The following DLX4 variants were observed in gnomAD, a reference collection of about 807,000 sequenced individuals.
DLX4 encodes the protein homeobox protein DLX-4.
Under a neutral mutation model 17.1 loss-of-function variants are expected in DLX4, and 13 were observed. The ratio of observed to expected loss-of-function variants is 0.76; its 90% CI spans 0.49 to 1.21. The LOEUF (loss-of-function observed/expected upper bound fraction) is 1.21. Among genes scored for constraint, DLX4 ranks in the 50% most tolerant of loss-of-function variants. The pLI, the probability that DLX4 is intolerant of heterozygous loss-of-function variation, is 0.00. For synonymous variants in DLX4, 129 were observed against 140.3 expected (o/e 0.92, Z 0.57); for missense variants, 297 against 301.4 (o/e 0.99, Z 0.11).
rs1178832628 is a variant in DLX4 at position 49,972,469 on chromosome 17, T to G, written c.284-604T>G. ...GGTCACTTTTCCTGCAGGGTGCGCC[T>G]GAGCAGAGGGGCAGCCCGTTACAGT... On this transcript the variant is annotated intron_variant, in intron 1 of 2. Coordinates refer to ENST00000240306, the MANE Select transcript of DLX4 (RefSeq NM_138281.3). The surrounding 1 kb of genome is among the most constrained non-coding windows in gnomAD (Gnocchi z 5.4). The G allele has an allele frequency of 6.5e-6, 1 of 153,362 alleles. No homozygotes were observed. The highest frequency in any genetic ancestry group is 1.4e-5 in the Non-Finnish European group (1 of 69,030). The allele number at this position is 153,362 out of a possible 1,614,324, so 9.5% of individuals were successfully genotyped here.
At position 49,969,526 on chromosome 17, in the gene DLX4, G is replaced by C. The variant is rs774563523; in HGVS notation, c.58G>C (p.Asp20His). 2 of 1,612,110 alleles carry C rather than the reference G, an allele frequency of 1.2e-6. No individual in the cohort carries two copies. The highest frequency in any genetic ancestry group is 2.7e-5 in the African/African-American group (2 of 74,892). Reference sequence around the variant, plus strand: ...GGACGCCTCCAAAGCTGTCTTCCCAGACCTCGCCCCTGTCCCGTCGGTAGC... The same window carrying C: ...GGACGCCTCCAAAGCTGTCTTCCCACACCTCGCCCCTGTCCCGTCGGTAGC... ...GRDASKAVFP[D>H]LAPVPSVAAA... The change falls in exon 1 of 3, where the codon GAC (aspartate) becomes CAC (histidine). Residue 20 changes from aspartate (D) to histidine (H), a missense_variant. Asp to His is a moderately conservative substitution (Grantham distance 81). Transcript: ENST00000240306.
chr17:49,970,124 G>A (rs973960242), intron 1 of DLX4, among the ~76,000 whole-genome samples: 2 of 152,042 alleles, frequency 1.3e-5, no homozygotes, highest in African/African-American at 2.4e-5. Context: ...CCCAGCCCCC[G>A]TCCTGTACTC....
At chr17:49,969,096 C>G (rs1174310133), upstream of DLX4, 38 of 217,456 alleles carry the variant, frequency 1.7e-4, 1 homozygote, top group Non-Finnish European at 9.0e-6. Context: ...TTCTCTACAG[C>G]GGGCTGTCCC....
At chr17:49,968,602 GGT>G (rs1486906408), upstream of DLX4, among the ~76,000 whole-genome samples, 1 of 152,036 alleles carries the variant, frequency 6.6e-6, no homozygotes, top group Non-Finnish European at 1.5e-5. Flanking sequence ...AGGGCGGTGG[GGT>G]GCAGCGGCGG....
upstream of DLX4, chr17:49,969,170 T>G: frequency 3.2e-6 from 1 of 309,838 alleles, no homozygotes; most frequent in Non-Finnish European, 5.9e-6. Flanking sequence ...ATCCGGGACG[T>G]CTAAGAGGGC....
intron 1 of DLX4, among the ~76,000 whole-genome samples, chr17:49,971,792 T>G (rs970435919): frequency 4.6e-5 from 7 of 151,662 alleles, no homozygotes; most frequent in Non-Finnish European, 8.8e-5. Flanking sequence ...GGGAATTGGT[T>G]GAGGCAGGGT....
In DLX4 at chr17:49,972,442, A is replaced by G. The variant is rs1306571043; in HGVS notation, c.284-631A>G. ...GCGGCCACGGTGTGGCGGGGGAGAC[A>G]TGGTCACTTTTCCTGCAGGGTGCGC... On this transcript the variant is annotated intron_variant, in intron 1 of 2. Transcript: ENST00000240306. The surrounding 1 kb of genome is among the most constrained non-coding windows in gnomAD (Gnocchi z 5.4). 2 of 152,410 alleles carry G rather than the reference A, an allele frequency of 1.3e-5. No individual in the cohort carries two copies. Among genetic ancestry groups the G allele is most frequent in the Non-Finnish European group, 2.9e-5 (2 of 68,242 alleles). 9.4% of individuals were successfully genotyped at this position (152,410 alleles called of 1,614,324 possible).
intron 2 of DLX4, 156 bp downstream of exon 2, chr17:49,973,425 G>T (rs1905597888): frequency 8.1e-7 from 1 of 1,230,044 alleles, no homozygotes; most frequent in Non-Finnish European, 1.1e-6. Context: ...AGTAAGCCTT[G>T]GGGGGAATGT....
chr17:49,969,349 T>G lies in DLX4; in HGVS notation c.-120T>G. On this transcript the variant is annotated 5_prime_UTR_variant, in exon 1 of 3. Transcript: ENST00000240306. The stretch of plus-strand genomic sequence containing the variant: ...GAGACACTTTCTCCGGGATCTTAAG[T>G]GTGGGGGCTGCTGGCTGGGGGGCCC... The G allele has an allele frequency of 3.4e-6, 4 of 1,169,018 alleles. No homozygotes were observed. The highest frequency in any genetic ancestry group is 4.7e-6 in the Non-Finnish European group (4 of 850,058). The allele number at this position is 1,169,018 out of a possible 1,614,324, so 72.4% of individuals were successfully genotyped here. A position where few individuals can be genotyped will look rare whatever the true frequency, so the allele number is the denominator to read the frequency against.
rs1456044602 is a variant in DLX4, at chr17:49,974,948, CAA to C, written c.*1008_*1009del. 6.6e-6 allele frequency: 1 copy of C among 152,190 alleles called. No homozygotes were observed. Among genetic ancestry groups the C allele is most frequent in the Non-Finnish European group, 1.5e-5 (1 of 68,044 alleles). The allele number at this position is 152,190 out of a possible 1,614,324, so 9.4% of individuals were successfully genotyped here. The stretch of plus-strand genomic sequence containing the variant: ...CAGCTTCCAGAGATTAAAGTTTGTA[CAA>C]AACATTGCATTCTGGCTGTGAGATG... On this transcript the variant is annotated 3_prime_UTR_variant, in exon 3 of 3. Transcript: ENST00000240306.
Position 49,972,158 on chromosome 17 carries a change from A to ATGT in DLX4, c.284-915_284-914insTGT, listed in dbSNP as rs1905529119. On this transcript the variant is annotated intron_variant, in intron 1 of 2. Coordinates refer to ENST00000240306, the MANE Select transcript of DLX4 (RefSeq NM_138281.3). This position sits in a 1 kb window ranked among gnomAD's most constrained non-coding sequence, Gnocchi z 5.4. ...GGAAGAACAGAAACCCCTCGGCCCA[A>ATGT]CCCTCCCCTGTCCCTCAGCATTCTA... The ATGT allele has an allele frequency of 6.6e-6, 1 of 152,182 alleles. No homozygotes were observed. The highest frequency in any genetic ancestry group is 2.4e-5 in the African/African-American group (1 of 41,320). 9.4% of individuals were successfully genotyped at this position (152,182 alleles called of 1,614,324 possible). A position where few individuals can be genotyped will look rare whatever the true frequency, so the allele number is the denominator to read the frequency against.
chr17:49,973,148 C>G lies in DLX4; in HGVS notation c.359C>G (p.Pro120Arg). ...PQAPAKKLRK[P>R]RTIYSSLQLQ... ...GCCCCCGCCAAAAAGCTCCGCAAGCCGAGGACCATCTACTCCAGCCTGCAG... is the reference window on the plus strand; with the variant it reads ...GCCCCCGCCAAAAAGCTCCGCAAGCGGAGGACCATCTACTCCAGCCTGCAG... The change falls in exon 2 of 3, where the codon CCG becomes CGG. Residue 120 changes from proline to arginine, a missense_variant. Coordinates refer to ENST00000240306, the MANE Select transcript of DLX4 (RefSeq NM_138281.3). 1 of 1,614,196 alleles carries G rather than the reference C, an allele frequency of 6.2e-7. No homozygotes were observed. The highest frequency in any genetic ancestry group is 1.6e-4 in the Middle Eastern group (1 of 6,062).
At position 49,974,897 on chromosome 17, in the gene DLX4, G is replaced by A. The variant is rs1052405118; in HGVS notation, c.*954G>A. 1.3e-5 allele frequency: 2 copies of A among 152,198 alleles called. No homozygotes were observed. Among genetic ancestry groups the A allele is most frequent in the African/African-American group, 4.8e-5 (2 of 41,436 alleles). The allele number at this position is 152,198 out of a possible 1,614,324, so 9.4% of individuals were successfully genotyped here. A position where few individuals can be genotyped will look rare whatever the true frequency, so the allele number is the denominator to read the frequency against. ...CAAAGGAACTGTGCAGATTTAGAACGAATTGGAGCTTGAGCTTCACACCAC... is the reference window on the plus strand; with the variant it reads ...CAAAGGAACTGTGCAGATTTAGAACAAATTGGAGCTTGAGCTTCACACCAC... On this transcript the variant is annotated 3_prime_UTR_variant, in exon 3 of 3. Transcript: ENST00000240306.
At chr17:49,969,887 G>A (rs1403935865) in intron 1 of DLX4, 136 bp downstream of exon 1, 1 of 203,300 alleles carries the variant, frequency 4.9e-6, no homozygotes, top group Non-Finnish European at 9.8e-6. Flanking sequence ...GGGGGTGGGG[G>A]GAGGGCGAAG....
rs1905637515 is a variant in DLX4, at chr17:49,974,256, C to T, written c.*313C>T. 4.2e-6 allele frequency: 1 copy of T among 240,266 alleles called. No individual in the cohort carries two copies. The highest frequency in any genetic ancestry group is 5.7e-5 in the Admixed American group (1 of 17,666). 14.9% of individuals were successfully genotyped at this position (240,266 alleles called of 1,614,324 possible). ...TGAGACTGTCCCCAGAACCCTTGGT[C>T]TTGCCACTCCCCCACTCCTTCTTCC... is the stretch of plus-strand genomic sequence containing the variant. On this transcript the variant is annotated 3_prime_UTR_variant, in exon 3 of 3. Transcript: ENST00000240306.
At position 49,969,664 on chromosome 17, in the gene DLX4, G is replaced by A. The variant is rs1905432463; in HGVS notation, c.196G>A (p.Gly66Arg). The change falls in exon 1 of 3, where the codon GGA (glycine) becomes AGA (arginine). Residue 66 changes from glycine (G) to arginine (R), a missense_variant. Physicochemically the swap from Gly to Arg is moderately radical, Grantham distance 125. Transcript: ENST00000240306. ...CCCCTACACCGAGCCAGCGAACCCC[G>A]GAGACTCCTACCTGTCCTGCCAGCA... Reference protein sequence around the residue: ...SYPYTEPANPGDSYLSCQQPA... With the variant: ...SYPYTEPANPRDSYLSCQQPA... 2 of 1,609,294 alleles carry A rather than the reference G, an allele frequency of 1.2e-6. No individual in the cohort carries two copies. The highest frequency in any genetic ancestry group is 1.1e-5 in the South Asian group (1 of 91,044).
rs1598148851 is a variant in DLX4, at chr17:49,974,107, CT to C, written c.*165del. ...AAGGAATGGAGCAGAGCCTGTACCC[CT>C]AACCCTAACAGCTAAATCAAGGACC... On this transcript the variant is annotated 3_prime_UTR_variant, in exon 3 of 3. Coordinates refer to ENST00000240306, the MANE Select transcript of DLX4 (RefSeq NM_138281.3). The C allele has an allele frequency of 1.2e-6, 1 of 865,362 alleles. No individual in the cohort carries two copies. Among genetic ancestry groups the C allele is most frequent in the African/African-American group, 1.8e-5 (1 of 56,298 alleles). The allele number at this position is 865,362 out of a possible 1,614,324, so 53.6% of individuals were successfully genotyped here. A position where few individuals can be genotyped will look rare whatever the true frequency, so the allele number is the denominator to read the frequency against.
chr17:49,974,408 C>T lies in DLX4; in HGVS notation c.*465C>T, dbSNP rs1058564. On this transcript the variant is annotated 3_prime_UTR_variant, in exon 3 of 3. Transcript: ENST00000240306. ...TGTATGCCTTTGGCCTTGCACAACCCATTTGTGAGCAAAAGCAGAAGTGGA... is the reference window on the plus strand; with the variant it reads ...TGTATGCCTTTGGCCTTGCACAACCTATTTGTGAGCAAAAGCAGAAGTGGA... 0.21 allele frequency: 32,019 copies of T among 152,260 alleles called. 3,464 individuals carry two copies. Among genetic ancestry groups the T allele is most frequent in the South Asian group, 0.3 (1,430 of 4,806 alleles). The allele number at this position is 152,260 out of a possible 1,614,324, so 9.4% of individuals were successfully genotyped here. A position where few individuals can be genotyped will look rare whatever the true frequency, so the allele number is the denominator to read the frequency against.
rs1489205138 is a variant in DLX4 at position 49,969,704 on chromosome 17, C to T, written c.236C>T (p.Ser79Phe). The T allele has an allele frequency of 1.2e-6, 2 of 1,602,398 alleles. No homozygotes were observed. The highest frequency in any genetic ancestry group is 1.3e-5 in the African/African-American group (1 of 74,882). Residue 79 changes from serine (S) to phenylalanine (F), a missense_variant, in exon 1 of 3, where the codon TCT (serine) becomes TTT (phenylalanine). Coordinates refer to ENST00000240306, the MANE Select transcript of DLX4 (RefSeq NM_138281.3). ...YLSCQQPAAL[S>F]QPLCGPAEHP... ...TCCTGCCAGCAACCCGCGGCGCTCT[C>T]TCAGCCCCTCTGCGGACCTGCAGAG...
Sources: allele counts gnomAD v4.1 joint callset (sites outside exome capture counted in the v4.1 genomes callset), GRCh38; gene constraint gnomAD v4.1.1; non-coding constraint Gnocchi (gnomAD v3.1); transcripts MANE v1.5; gene names NCBI Gene and HGNC (gene_info 2026-07-23, HGNC 2026-07-21).